The following APOOL variants were observed in gnomAD, a reference collection of about 807,000 sequenced individuals.
APOOL encodes the protein apolipoprotein O like.
APOOL carries 12 observed loss-of-function variants against 23.1 expected under a neutral mutation model. The ratio of observed to expected loss-of-function variants is 0.52; its 90% CI spans 0.33 to 0.84. The LOEUF (loss-of-function observed/expected upper bound fraction) is 0.84, where lower values mean the gene tolerates loss of function less well. APOOL is among the 40% of genes least tolerant of loss of function. The pLI is 0.02. For missense variants in APOOL, 212 were observed against 199.6 expected, an observed-to-expected ratio of 1.06 and a Z score of -0.37; for synonymous variants, 77 against 69.9, an observed-to-expected ratio of 1.10 and a Z score of -0.51.
chrX:85,038,524 G>GTTTTTTTTTTTTTTT (rs56248244), intron 1 of APOOL, among the ~76,000 whole-genome samples: 13 of 43,432 alleles, frequency 3.0e-4, no homozygotes, highest in African/African-American at 1.3e-3. Flanking sequence ...TCTGGTACAA[G>GTTTTTTTTTTTTTTT]TTTTTTTTTT....
rs752245669 is a variant in APOOL, at chrX:85,012,070, TTTTG to T, written c.15+8151_15+8154del. ...AGAGATCTTCCACCTCCTGAAGTTT[TTTTG>T]TTTGTTTATTTTTTTGTTTCTGTTT... On this transcript the variant is annotated intron_variant, in intron 1 of 8. Coordinates refer to ENST00000373173, the MANE Select transcript of APOOL (RefSeq NM_198450.6). Among the ~76,000 whole-genome samples the T allele has an allele frequency of 1.6e-4, 18 of 111,301 alleles. No individual in the cohort carries two copies. In the East Asian group the frequency reaches 2.3e-3, roughly 14 times the overall value.
chrX:85,050,038 T>TA (rs1922709540), intron 2 of APOOL, among the ~76,000 whole-genome samples: 1 of 111,426 alleles, frequency 9.0e-6, no homozygotes, highest in Non-Finnish European at 1.9e-5. Context: ...TTTTTATATA[T>TA]AAAACGCATC....
rs1556380640 is a variant in APOOL at position 85,088,073 on chromosome X, T to TTTATACATATATGTATAAATACGTATTA, written c.*395_*396insTTATACATATATGTATAAATACGTATTA. 3.1e-4 allele frequency: 1 copy of TTTATACATATATGTATAAATACGTATTA among 3,237 alleles called. No individual in the cohort carries two copies. The highest frequency in any genetic ancestry group is 4.7e-4 in the Non-Finnish European group (1 of 2,110). The allele number at this position is 3,237 out of a possible 1,213,427, so 0.3% of individuals were successfully genotyped here. On this transcript the variant is annotated 3_prime_UTR_variant, in exon 9 of 9. Coordinates refer to ENST00000373173, the MANE Select transcript of APOOL (RefSeq NM_198450.6). ...ATTTATACATATATGTATAAATACATATACATATATGTATAAATACATATA... is the reference window on the plus strand; with the variant it reads ...ATTTATACATATATGTATAAATACATTTATACATATATGTATAAATACGTATTAATACATATATGTATAAATACATATA...
At chrX:85,069,578 C>A (rs970115182) in intron 6 of APOOL, among the ~76,000 whole-genome samples, 1 of 97,258 alleles carries the variant, frequency 1.0e-5, no homozygotes, top group South Asian at 5.3e-4. Context: ...CCACTGCACT[C>A]CAGCCTGGGT....
At chrX:85,053,754 C>T (rs1365583889) in intron 3 of APOOL, among the ~76,000 whole-genome samples, 1 of 111,544 alleles carries the variant, frequency 9.0e-6, no homozygotes, top group African/African-American at 3.2e-5. Context: ...TTTAATTCCT[C>T]TGATGTATTA....
rs1005287213 is a variant in APOOL at position 85,041,727 on chromosome X, G to A, written c.16-4719G>A. On this transcript the variant is annotated intron_variant, in intron 1 of 8. Transcript: ENST00000373173. ...CAGTCTGGAGGCCTTGGGAATAGAG[G>A]GTCTATGGGGATCTCCTGTGTCCAG... Among the ~76,000 whole-genome samples, 13 of 111,242 alleles carry A rather than the reference G, an allele frequency of 1.2e-4. 1 individual carries two copies. In the South Asian group the frequency reaches 4.4e-3, roughly 37 times the overall value.
chrX:85,067,747 G>T (rs1470072008), intron 6 of APOOL, among the ~76,000 whole-genome samples: 1 of 110,712 alleles, frequency 9.0e-6, no homozygotes, highest in Non-Finnish European at 1.9e-5. Context: ...TCTTTTTCTT[G>T]TGAGCTTAAG....
intron 4 of APOOL, among the ~76,000 whole-genome samples, chrX:85,054,871 T>C (rs1203480965): frequency 8.9e-6 from 1 of 111,870 alleles, no homozygotes; most frequent in Non-Finnish European, 1.9e-5. Context: ...TGCTACTTGC[T>C]GTTAAAATAC....
chrX:85,028,199 C>CATGT (rs1921907350), intron 1 of APOOL, among the ~76,000 whole-genome samples: 1 of 111,145 alleles, frequency 9.0e-6, no homozygotes, highest in South Asian at 3.9e-4. Flanking sequence ...TGTTGGCAGG[C>CATGT]ATGTGTTCCT....
Position 85,089,362 on chromosome X carries a change from C to CTGACTGAGTCACCCA in APOOL, c.*1684_*1685insTGACTGAGTCACCCA, listed in dbSNP as rs1924464759. On this transcript the variant is annotated 3_prime_UTR_variant, in exon 9 of 9. Coordinates refer to ENST00000373173, the MANE Select transcript of APOOL (RefSeq NM_198450.6). ...CAAGCATCTGTCCGACTCAGCCTACCACAGTGTTGGGATTACAGGCGTGAG... is the reference window on the plus strand; with the variant it reads ...CAAGCATCTGTCCGACTCAGCCTACCTGACTGAGTCACCCAACAGTGTTGGGATTACAGGCGTGAG... 1 of 112,565 alleles carries CTGACTGAGTCACCCA rather than the reference C, an allele frequency of 8.9e-6. No individual in the cohort carries two copies. Among genetic ancestry groups the CTGACTGAGTCACCCA allele is most frequent in the East Asian group, 2.8e-4 (1 of 3,564 alleles). 9.3% of individuals were successfully genotyped at this position (112,565 alleles called of 1,213,427 possible). A position where few individuals can be genotyped will look rare whatever the true frequency, so the allele number is the denominator to read the frequency against.
intron 1 of APOOL, among the ~76,000 whole-genome samples, chrX:85,026,860 C>A (rs1921863827): frequency 9.0e-6 from 1 of 111,713 alleles, no homozygotes; most frequent in Non-Finnish European, 1.9e-5. Flanking sequence ...CTAAGAAGTT[C>A]CAGACTTCCC....
chrX:85,010,448 T>G (rs1921238363), intron 1 of APOOL, among the ~76,000 whole-genome samples: 1 of 111,534 alleles, frequency 9.0e-6, no homozygotes, highest in African/African-American at 3.3e-5. Context: ...TTGGTGCACC[T>G]GTCACCTGAG....
At chrX:85,080,993 T>C (rs1316581212) in intron 8 of APOOL, among the ~76,000 whole-genome samples, 3 of 111,261 alleles carry the variant, frequency 2.7e-5, no homozygotes, top group Admixed American at 9.6e-5. Context: ...TGTCTCTGCA[T>C]GTGAGATCAG....
At chrX:85,071,872 A>G (rs1923674153) in intron 6 of APOOL, among the ~76,000 whole-genome samples, 1 of 112,283 alleles carries the variant, frequency 8.9e-6, no homozygotes, top group African/African-American at 3.2e-5. Flanking sequence ...AGGCAGACGG[A>G]TCACGAGGTC....
intron 1 of APOOL, chrX:85,046,214 A>G (rs1922568796): frequency 7.0e-6 from 2 of 284,069 alleles, no homozygotes; most frequent in Non-Finnish European, 1.2e-5. Flanking sequence ...ATATTGCTAT[A>G]TTTCTTATGA....
intron 5 of APOOL, among the ~76,000 whole-genome samples, chrX:85,061,612 A>AGATG (rs1311331468): frequency 1.8e-5 from 2 of 111,405 alleles, no homozygotes; most frequent in Non-Finnish European, 3.8e-5. Flanking sequence ...AGTCTTGGGA[A>AGATG]GATGTATGGG....
chrX:85,057,089 C>T (rs771774277), intron 5 of APOOL, among the ~76,000 whole-genome samples: 2 of 111,822 alleles, frequency 1.8e-5, no homozygotes, highest in South Asian at 3.7e-4. Flanking sequence ...TATGGATGTG[C>T]CACGGTTTAC....
At position 85,051,641 on chromosome X, in the gene APOOL, T is replaced by C. The variant is rs192505574; in HGVS notation, c.240+133T>C. 128 of 881,388 alleles carry C rather than the reference T, an allele frequency of 1.5e-4. 1 individual carries two copies. Among genetic ancestry groups the C allele is most frequent in the Middle Eastern group, 1.2e-3 (3 of 2,504 alleles). The allele number at this position is 881,388 out of a possible 1,213,427, so 72.6% of individuals were successfully genotyped here. A position where few individuals can be genotyped will look rare whatever the true frequency, so the allele number is the denominator to read the frequency against. On this transcript the variant is annotated intron_variant, in intron 3 of 8. Transcript: ENST00000373173. ...AACCATTATATTACATCTTATGATTTTGTAAGTCATGAATTTGATCTGAGT... is the reference window on the plus strand; with the variant it reads ...AACCATTATATTACATCTTATGATTCTGTAAGTCATGAATTTGATCTGAGT...
At chrX:85,016,820 C>T (rs1921490346) in intron 1 of APOOL, among the ~76,000 whole-genome samples, 1 of 112,463 alleles carries the variant, frequency 8.9e-6, no homozygotes, top group South Asian at 3.7e-4. Flanking sequence ...GAACTCAAGT[C>T]CTGCTGTTCA....
Sources: allele counts gnomAD v4.1 joint callset (sites outside exome capture counted in the v4.1 genomes callset), GRCh38; gene constraint gnomAD v4.1.1; transcripts MANE v1.5; gene names NCBI Gene and HGNC (gene_info 2026-07-23, HGNC 2026-07-21).